ZBTB7B: variants seen among roughly 807,000 people sequenced by gnomAD.
ZBTB7B encodes zinc finger and BTB domain containing 7B, also known as zinc finger and BTB domain-containing protein 7B.
A neutral mutation model predicts 31.0 loss-of-function variants in ZBTB7B; 8 were observed. The ratio of observed to expected loss-of-function variants is 0.26; its 90% CI spans 0.15 to 0.47. The LOEUF (loss-of-function observed/expected upper bound fraction) is 0.47. ZBTB7B is among the 20% of genes least tolerant of loss of function. The pLI is 0.99. For synonymous variants in ZBTB7B, 261 were observed against 307.3 expected (o/e 0.85, Z 1.58); for missense variants, 494 against 742.4 (o/e 0.67, Z 3.89).
chr1:155,002,022 C>G (rs761042324), upstream of ZBTB7B, among the ~76,000 whole-genome samples: 11 of 151,950 alleles, frequency 7.2e-5, no homozygotes, highest in Non-Finnish European at 1.5e-4. Flanking sequence ...ACCCTTCCCT[C>G]CTGAGGTCCT....
rs2102265967 is a variant in ZBTB7B at position 155,003,369 on chromosome 1, C to A, written c.-7+426C>A. Reference sequence around the variant, plus strand: ...TAGGACAACGCGCACCCCCCCCCCACCCCGCGCCCCCTGGCGCGGTGGATT... The same window carrying A: ...TAGGACAACGCGCACCCCCCCCCCAACCCGCGCCCCCTGGCGCGGTGGATT... On this transcript the variant is annotated intron_variant, in intron 1 of 2. Coordinates refer to ENST00000535420, the MANE Select transcript of ZBTB7B (RefSeq NM_001256455.2). This position sits in a 1 kb window ranked among gnomAD's most constrained non-coding sequence, Gnocchi z 5.8. Among the ~76,000 whole-genome samples, 1 of 149,976 alleles carries A rather than the reference C, an allele frequency of 6.7e-6. No individual in the cohort carries two copies. Among genetic ancestry groups the A allele is most frequent in the African/African-American group, 2.5e-5 (1 of 40,738 alleles).
At position 155,018,284 on chromosome 1, in the gene ZBTB7B, C is replaced by T. The variant is rs1011722723; in HGVS notation, c.*1599C>T. 2.7e-5 allele frequency: 14 copies of T among 518,360 alleles called. No individual in the cohort carries two copies. The highest frequency in any genetic ancestry group is 3.8e-5 in the African/African-American group (2 of 52,294). 32.1% of individuals were successfully genotyped at this position (518,360 alleles called of 1,614,324 possible). On this transcript the variant is annotated 3_prime_UTR_variant, in exon 3 of 3. Coordinates refer to ENST00000535420, the MANE Select transcript of ZBTB7B (RefSeq NM_001256455.2). ...TAATATATTGGGGTGGCGGGGAGATCGGGTTGTCCTGGGCCTCATCTTAGC... is the reference window on the plus strand; with the variant it reads ...TAATATATTGGGGTGGCGGGGAGATTGGGTTGTCCTGGGCCTCATCTTAGC...
intron 1 of ZBTB7B, chr1:155,014,196 C>A: frequency 1.7e-6 from 1 of 588,402 alleles, no homozygotes; most frequent in Non-Finnish European, 2.2e-6. Context: ...CTGCCAGTAC[C>A]ACCCCCGGTC....
At chr1:155,008,748 A>C (rs972324730) in intron 1 of ZBTB7B, among the ~76,000 whole-genome samples, 1 of 152,004 alleles carries the variant, frequency 6.6e-6, no homozygotes, top group African/African-American at 2.4e-5. Flanking sequence ...GCCCTCTCCC[A>C]CGCCGCCAGC....
chr1:155,013,125 G>A (rs902211306), intron 1 of ZBTB7B, among the ~76,000 whole-genome samples: 4 of 152,144 alleles, frequency 2.6e-5, no homozygotes, highest in East Asian at 3.8e-4. Context: ...AACATTTATC[G>A]AATCCCTACT....
At chr1:155,008,786 G>A (rs895586200) in intron 1 of ZBTB7B, among the ~76,000 whole-genome samples, 1 of 152,140 alleles carries the variant, frequency 6.6e-6, no homozygotes, top group Admixed American at 6.5e-5. Context: ...CTCCAAGCTG[G>A]GGGGAGGGGG....
chr1:155,011,108 G>A, intron 1 of ZBTB7B: 2 of 1,169,560 alleles, frequency 1.7e-6, no homozygotes, highest in Non-Finnish European at 2.4e-6. Flanking sequence ...GGTTCCGCCT[G>A]CTGCCCCCCA....
At chr1:155,005,166 G>A (rs1027985622) in intron 1 of ZBTB7B, among the ~76,000 whole-genome samples, 2 of 152,020 alleles carry the variant, frequency 1.3e-5, no homozygotes, top group Admixed American at 1.3e-4. Context: ...CCCTTTGTGT[G>A]CCTGCACTTG....
chr1:155,017,002 C>G lies in ZBTB7B; in HGVS notation c.*317C>G, dbSNP rs929429896. 7.6e-6 allele frequency: 2 copies of G among 263,690 alleles called. No homozygotes were observed. The highest frequency in any genetic ancestry group is 1.5e-5 in the Non-Finnish European group (2 of 137,902). 16.3% of individuals were successfully genotyped at this position (263,690 alleles called of 1,614,324 possible). ...AATAATGTATTTCTAATTTGTGGGT[C>G]CCACTTCGGCTATGCGGGTTTCTAG... On this transcript the variant is annotated 3_prime_UTR_variant, in exon 3 of 3. Coordinates refer to ENST00000535420, the MANE Select transcript of ZBTB7B (RefSeq NM_001256455.2).
At chr1:155,015,974 G>A (rs959423413) in intron 2 of ZBTB7B, among the ~76,000 whole-genome samples, 160 bp downstream of exon 2, 2 of 152,158 alleles carry the variant, frequency 1.3e-5, no homozygotes, top group Non-Finnish European at 1.5e-5. Context: ...AAGAAAACAA[G>A]CCAGCAGGGG....
chr1:155,014,899 C>G lies in ZBTB7B; in HGVS notation c.239C>G (p.Ala80Gly). The G allele has an allele frequency of 1.9e-6, 3 of 1,614,034 alleles. 1 individual carries two copies. The highest frequency in any genetic ancestry group is 3.3e-4 in the Middle Eastern group (2 of 6,062). ...ATGGGGGCCGGGGGTAGCGGGACGG[C>G]CACTGGGGGAGCAGGGGCCGGTGTG... ...AVMGAGGSGT[A>G]TGGAGAGVCE... The change falls in exon 2 of 3, where the codon GCC becomes GGC. Residue 80 changes from alanine (A) to glycine (G), a missense_variant. Ala to Gly is a moderately conservative substitution (Grantham distance 60). Transcript: ENST00000535420.
rs1255780270 is a variant in ZBTB7B, at chr1:155,016,795, G to A, written c.*110G>A. 3 of 647,230 alleles carry A rather than the reference G, an allele frequency of 4.6e-6. No homozygotes were observed. The highest frequency in any genetic ancestry group is 5.3e-6 in the Non-Finnish European group (2 of 374,370). The allele number at this position is 647,230 out of a possible 1,614,324, so 40.1% of individuals were successfully genotyped here. A position where few individuals can be genotyped will look rare whatever the true frequency, so the allele number is the denominator to read the frequency against. Reference sequence around the variant, plus strand: ...GGGTCTGGGGCACGGAGCCTTGCTGGCATCAGCATCAGCCCTTCCTCCCAG... The same window carrying A: ...GGGTCTGGGGCACGGAGCCTTGCTGACATCAGCATCAGCCCTTCCTCCCAG... On this transcript the variant is annotated 3_prime_UTR_variant, in exon 3 of 3. Coordinates refer to ENST00000535420, the MANE Select transcript of ZBTB7B (RefSeq NM_001256455.2). The surrounding 1 kb of genome is among the most constrained non-coding windows in gnomAD (Gnocchi z 4.3).
chr1:155,012,628 A>G (rs1325003104), intron 1 of ZBTB7B, among the ~76,000 whole-genome samples: 14 of 151,884 alleles, frequency 9.2e-5, no homozygotes, highest in Admixed American at 9.2e-4. Flanking sequence ...TGAGCTATCT[A>G]AGGGTGCCTA....
Position 155,018,372 on chromosome 1 carries a change from G to T in ZBTB7B, c.*1687G>T. 4.5e-6 allele frequency: 3 copies of T among 664,094 alleles called. No individual in the cohort carries two copies. Among genetic ancestry groups the T allele is most frequent in the Non-Finnish European group, 7.6e-6 (3 of 397,084 alleles). 41.1% of individuals were successfully genotyped at this position (664,094 alleles called of 1,614,324 possible). On this transcript the variant is annotated 3_prime_UTR_variant, in exon 3 of 3. Transcript: ENST00000535420. ...CTGGGGCCCAGCCCCAGAAAGTGGG[G>T]ACAATGTGGCCTCCCTTCTCCCTAC...
intron 1 of ZBTB7B, among the ~76,000 whole-genome samples, chr1:155,013,040 A>T (rs1323195576): frequency 6.6e-6 from 1 of 152,086 alleles, no homozygotes; most frequent in Non-Finnish European, 1.5e-5. Context: ...AGGGAGGCAG[A>T]CCTGTCCCCA....
chr1:155,001,874 C>A (rs1436893816), upstream of ZBTB7B, among the ~76,000 whole-genome samples: 1 of 151,990 alleles, frequency 6.6e-6, no homozygotes, highest in South Asian at 2.1e-4. This position sits in a 1 kb window ranked among gnomAD's most constrained non-coding sequence, Gnocchi z 4.8. Flanking sequence ...GGCGTAGGGG[C>A]CGGAGCCGAA....
Position 155,016,560 on chromosome 1 carries a change from G to T in ZBTB7B, c.1495G>T (p.Ala499Ser), listed in dbSNP as rs1025022563. The T allele has an allele frequency of 6.2e-7, 1 of 1,613,934 alleles. No individual in the cohort carries two copies. Among genetic ancestry groups the T allele is most frequent in the Non-Finnish European group, 8.5e-7 (1 of 1,179,952 alleles). Residue 499 changes from alanine to serine, a missense_variant, in exon 3 of 3, where the codon GCT becomes TCT. Physicochemically the swap from Ala to Ser is moderately conservative, Grantham distance 99. Transcript: ENST00000535420. The surrounding 1 kb of genome is among the most constrained non-coding windows in gnomAD (Gnocchi z 4.3). ...CCTGGACACCTTCCGCCTCTCTCTAGCTCGATTCTGGGAGCAGTCAGCCCC... is the reference window on the plus strand; with the variant it reads ...CCTGGACACCTTCCGCCTCTCTCTATCTCGATTCTGGGAGCAGTCAGCCCC... ...GHLDTFRLSL[A>S]RFWEQSAPTG...
rs1396234791 is a variant in ZBTB7B at position 155,003,951 on chromosome 1, A to G, written c.-7+1008A>G. ...GTTGTGCCCGGACACGTGCCTGCCCAGGCGCCCCGGCCCTGCTGGTGTTTA... is the reference window on the plus strand; with the variant it reads ...GTTGTGCCCGGACACGTGCCTGCCCGGGCGCCCCGGCCCTGCTGGTGTTTA... On this transcript the variant is annotated intron_variant, in intron 1 of 2. Coordinates refer to ENST00000535420, the MANE Select transcript of ZBTB7B (RefSeq NM_001256455.2). The surrounding 1 kb of genome is among the most constrained non-coding windows in gnomAD (Gnocchi z 5.8). Among the ~76,000 whole-genome samples, 3 of 152,122 alleles carry G rather than the reference A, an allele frequency of 2.0e-5. No homozygotes were observed. The highest frequency in any genetic ancestry group is 2.0e-4 in the Admixed American group (3 of 15,278).
rs768347289 is a variant in ZBTB7B, at chr1:155,016,212, T to G, written c.1155-8T>G. 1 of 1,611,308 alleles carries G rather than the reference T, an allele frequency of 6.2e-7. No individual in the cohort carries two copies. Among genetic ancestry groups the G allele is most frequent in the Middle Eastern group, 1.7e-4 (1 of 6,042 alleles). On this transcript the variant is annotated splice_region_variant and splice_polypyrimidine_tract_variant and intron_variant, in intron 2 of 2. Transcript: ENST00000535420. The surrounding 1 kb of genome is among the most constrained non-coding windows in gnomAD (Gnocchi z 4.3). Reference sequence around the variant, plus strand: ...CACCTCCCTGCCCCTCACCCCTGCCTGTGCCAGGAACGACAAGCTGAAGAT... The same window carrying G: ...CACCTCCCTGCCCCTCACCCCTGCCGGTGCCAGGAACGACAAGCTGAAGAT...
Sources: allele counts gnomAD v4.1 joint callset (sites outside exome capture counted in the v4.1 genomes callset), GRCh38; gene constraint gnomAD v4.1.1; non-coding constraint Gnocchi (gnomAD v3.1); transcripts MANE v1.5; gene names NCBI Gene and HGNC (gene_info 2026-07-23, HGNC 2026-07-21).